Variants in NINL observed in about 807,000 individuals in gnomAD.
The protein encoded by NINL is ninein like, also known as ninein-like protein.
NINL carries 153 observed loss-of-function variants against 160.3 expected under a neutral mutation model. That is an observed-to-expected ratio of 0.95 (90% CI 0.84 to 1.09). The LOEUF (loss-of-function observed/expected upper bound fraction) is 1.09, where lower values mean the gene tolerates loss of function less well. NINL is among the 50% of genes least tolerant of loss of function. The pLI is 0.00. For missense variants in NINL, 1,829 were observed against 1,764.0 expected, an observed-to-expected ratio of 1.04 and a Z score of -0.66; for synonymous variants, 800 against 734.8, an observed-to-expected ratio of 1.09 and a Z score of -1.43.
At chr20:25,477,760 G>T (rs774899064) in intron 16 of NINL, among the ~76,000 whole-genome samples, 2 of 152,164 alleles carry the variant, frequency 1.3e-5, no homozygotes, top group Non-Finnish European at 2.9e-5. Context: ...TCCGGGTGGG[G>T]GCCAGGTGCA....
At chr20:25,561,918 C>CA (rs1472600175) in intron 1 of NINL, among the ~76,000 whole-genome samples, 1 of 151,312 alleles carries the variant, frequency 6.6e-6, no homozygotes, top group Admixed American at 6.6e-5. Flanking sequence ...CAGCCCCCGC[C>CA]AGGCCAGCCG....
At chr20:25,507,848 T>C (rs945510413) in intron 5 of NINL, among the ~76,000 whole-genome samples, 7 of 152,206 alleles carry the variant, frequency 4.6e-5, no homozygotes, top group African/African-American at 1.7e-4. Context: ...GCAATCCTGA[T>C]ACTGGGTTAT....
chr20:25,495,344 C>T (rs757612337), intron 10 of NINL, among the ~76,000 whole-genome samples: 1 of 152,256 alleles, frequency 6.6e-6, no homozygotes, highest in East Asian at 1.9e-4. Flanking sequence ...AAACCGCCCG[C>T]ATCCCTGGAG....
At chr20:25,462,834 G>C in intron 19 of NINL, 1 of 284,592 alleles carries the variant, frequency 3.5e-6, no homozygotes, top group East Asian at 1.1e-4. Flanking sequence ...TTGTTTTTTG[G>C]TCGAGACAGG....
At chr20:25,552,175 C>A (rs377073844) in intron 1 of NINL, among the ~76,000 whole-genome samples, 33 of 152,200 alleles carry the variant, frequency 2.2e-4, no homozygotes, top group African/African-American at 7.0e-4. Context: ...ATTTCATTTT[C>A]TTTTACAGAA....
At chr20:25,495,241 G>A (rs183090824) in intron 10 of NINL, among the ~76,000 whole-genome samples, 5 of 152,282 alleles carry the variant, frequency 3.3e-5, no homozygotes, top group African/African-American at 4.8e-5. Flanking sequence ...GCTTCAGCCC[G>A]CAGTGCAGCT....
intron 1 of NINL, among the ~76,000 whole-genome samples, chr20:25,538,147 T>A (rs1052541121): frequency 6.6e-6 from 1 of 151,822 alleles, no homozygotes; most frequent in South Asian, 2.1e-4. Flanking sequence ...TGTCACCGAG[T>A]GAAGGGCAGG....
intron 8 of NINL, chr20:25,499,340 T>C (rs2063822316): frequency 6.2e-6 from 4 of 646,810 alleles, no homozygotes; most frequent in Non-Finnish European, 7.7e-6. Context: ...AATTTGGCAA[T>C]AATCTATCAT....
chr20:25,582,177 C>T (rs1224608677), intron 1 of NINL, among the ~76,000 whole-genome samples: 1 of 152,182 alleles, frequency 6.6e-6, no homozygotes, highest in Non-Finnish European at 1.5e-5. Flanking sequence ...ATCACTTGAA[C>T]CTGGGAGGTG....
At chr20:25,531,028 A>G (rs1397585951) in intron 1 of NINL, among the ~76,000 whole-genome samples, 1 of 152,234 alleles carries the variant, frequency 6.6e-6, no homozygotes, top group Non-Finnish European at 1.5e-5. Context: ...CCTACAGCTC[A>G]GCCACAAAAG....
chr20:25,482,249 T>C (rs915745144), intron 13 of NINL, 149 bp from the exon 14 acceptor site: 1 of 853,618 alleles, frequency 1.2e-6, no homozygotes, highest in Non-Finnish European at 1.7e-6. Context: ...CAGGAAACCA[T>C]CTGGATTTTA....
chr20:25,500,996 G>A lies in NINL; in HGVS notation c.876C>T (p.Ser292=), dbSNP rs368040470. 90 of 1,613,838 alleles carry A rather than the reference G, an allele frequency of 5.6e-5. No homozygotes were observed. The African/African-American group carries it at 8.5e-4, about 15-fold the overall frequency. Residue 292 remains serine, a synonymous_variant, in exon 8 of 24, where the codon AGC becomes AGT. Transcript: ENST00000278886. The part of the protein sequence containing the change: ...AWSHYQVPEE[S]GCHTTTTSSL... The stretch of plus-strand genomic sequence containing the variant: ...ATGAGGTTGTGGTGGTGTGGCAGCC[G>A]CTCTCCTCTGGGACCTGCATGTCAG...
intron 17 of NINL, among the ~76,000 whole-genome samples, chr20:25,473,675 TACACACACACACACACACACAC>T (rs56359105): frequency 1.2e-4 from 16 of 137,900 alleles, no homozygotes; most frequent in South Asian, 2.4e-4. Flanking sequence ...AATACACACA[TACACACACACACACACACACAC>T]ACACACACAC....
chr20:25,468,977 CTGACTCT>C (rs2063009280), intron 18 of NINL, among the ~76,000 whole-genome samples: 2 of 142,902 alleles, frequency 1.4e-5, no homozygotes, highest in South Asian at 2.2e-4. Flanking sequence ...GCCCTGTCCC[CTGACTCT>C]CACTGGTGAG....
In NINL at chr20:25,505,067, T is replaced by A. The variant is rs757687630; in HGVS notation, c.529A>T (p.Thr177Ser). 1 of 1,591,826 alleles carries A rather than the reference T, an allele frequency of 6.3e-7. No homozygotes were observed. Among genetic ancestry groups the A allele is most frequent in the Non-Finnish European group, 8.6e-7 (1 of 1,168,250 alleles). Residue 177 changes from threonine (T) to serine (S), a missense_variant, in exon 6 of 24, where the codon ACC becomes TCC. Physicochemically the swap from Thr to Ser is moderately conservative, Grantham distance 58. Coordinates refer to ENST00000278886, the MANE Select transcript of NINL (RefSeq NM_025176.6). The stretch of plus-strand genomic sequence containing the variant: ...CTCCCAAAGTCCTCAGAATCCCAGG[T>A]CTGCAGCTGTCCTGAAGCAAGGGAG... ...ELFEAQGQLQ[T>S]WDSEDFGSPQ...
Position 25,479,080 on chromosome 20 carries a change from G to A in NINL, c.2044C>T (p.Leu682Phe), listed in dbSNP as rs745875017. The change falls in exon 16 of 24, where the codon CTC (leucine) becomes TTC (phenylalanine). Residue 682 changes from leucine to phenylalanine, a missense_variant. Leu to Phe is a conservative substitution (Grantham distance 22). Transcript: ENST00000278886. ...ATGACCTCCTGAGACTTCTCGTGGA[G>A]CTCCTCCAGGTCGGCCTTCTGACCC... Reference protein sequence around the residue: ...LEGQKADLEELHEKSQEVIWG... With the variant: ...LEGQKADLEEFHEKSQEVIWG... The A allele has an allele frequency of 4.3e-6, 7 of 1,613,214 alleles. No individual in the cohort carries two copies. The highest frequency in any genetic ancestry group is 2.2e-5 in the South Asian group (2 of 91,088).
intron 19 of NINL, among the ~76,000 whole-genome samples, chr20:25,463,494 G>A (rs1213010771): frequency 6.6e-6 from 1 of 152,162 alleles, no homozygotes; most frequent in Non-Finnish European, 1.5e-5. Context: ...TTCAGCAAAC[G>A]TTCATGAGGG....
At position 25,476,080 on chromosome 20, in the gene NINL, C is replaced by A. The variant is rs764704181; in HGVS notation, c.3211G>T (p.Ala1071Ser). Reference protein sequence around the residue: ...KLLHLEDVVRALEKHVDLREN... With the variant: ...KLLHLEDVVRSLEKHVDLREN... ...CTCAAATCTACATGTTTCTCCAGAG[C>A]CCGGACGACGTCTTCCAGATGTAGA... Residue 1071 changes from alanine to serine, a missense_variant, in exon 17 of 24, where the codon GCT becomes TCT. Physicochemically the swap from Ala to Ser is moderately conservative, Grantham distance 99. Transcript: ENST00000278886. 6.2e-7 allele frequency: 1 copy of A among 1,613,912 alleles called. No individual in the cohort carries two copies. Among genetic ancestry groups the A allele is most frequent in the Non-Finnish European group, 8.5e-7 (1 of 1,179,760 alleles).
At chr20:25,498,401 C>T (rs1601155089) in intron 8 of NINL, 55 bp from the exon 9 acceptor site, 3 of 1,597,306 alleles carry the variant, frequency 1.9e-6, no homozygotes, top group African/African-American at 1.3e-5. Flanking sequence ...CCCAAGCAGA[C>T]ACCTCTTTGC....
Sources: allele counts gnomAD v4.1 joint callset (sites outside exome capture counted in the v4.1 genomes callset), GRCh38; gene constraint gnomAD v4.1.1; transcripts MANE v1.5; gene names NCBI Gene and HGNC (gene_info 2026-07-23, HGNC 2026-07-21).